PACRG: variants seen among roughly 807,000 people sequenced by gnomAD.
The protein encoded by PACRG is parkin coregulated.
In PACRG, 29 loss-of-function variants were observed where a neutral mutation model predicts 29.7. That is an observed-to-expected ratio of 0.98 (90% CI 0.73 to 1.33). The LOEUF (loss-of-function observed/expected upper bound fraction) is 1.33. PACRG is among the 40% of genes most tolerant of loss of function. The pLI is 0.00. For synonymous variants in PACRG, 116 were observed against 118.7 expected (o/e 0.98, Z 0.15); for missense variants, 279 against 316.2 (o/e 0.88, Z 0.89).
At chr6:163,155,419 T>A (rs527455286) in intron 4 of PACRG, among the ~76,000 whole-genome samples, 1 of 152,190 alleles carries the variant, frequency 6.6e-6, no homozygotes, top group African/African-American at 2.4e-5. Context: ...TATGGGACGC[T>A]GGGGAGAGAA....
intron 1 of PACRG, among the ~76,000 whole-genome samples, chr6:162,813,229 T>C (rs1319783511): frequency 6.6e-6 from 1 of 151,996 alleles, no homozygotes; most frequent in East Asian, 1.9e-4. Flanking sequence ...TTATATTATT[T>C]TGTCTATAGT....
At chr6:163,132,801 G>C (rs1279351523) in intron 4 of PACRG, among the ~76,000 whole-genome samples, 1 of 151,968 alleles carries the variant, frequency 6.6e-6, no homozygotes, top group Non-Finnish European at 1.5e-5. Context: ...CTGCAAGTGG[G>C]GACAAAAGCT....
At chr6:163,253,541 CCTT>C (rs1334238007) in intron 4 of PACRG, among the ~76,000 whole-genome samples, 1 of 151,994 alleles carries the variant, frequency 6.6e-6, no homozygotes, top group Non-Finnish European at 1.5e-5. Flanking sequence ...TCTATCTAAA[CCTT>C]CTTATTTTAC....
Position 163,207,106 on chromosome 6 carries a change from T to G in PACRG, c.614-107721T>G, listed in dbSNP as rs551613921. On this transcript the variant is annotated intron_variant, in intron 4 of 4. Transcript: ENST00000366888. ...GACATTCTGTTTTTTAAATACGCTT[T>G]GTAGAAAGTGAGAGATTTCTTTAAA... Among the ~76,000 whole-genome samples the G allele has an allele frequency of 1.4e-3, 207 of 152,328 alleles. 2 individuals are homozygous for G. Among genetic ancestry groups the G allele is most frequent in the Middle Eastern group, 3.4e-3 (1 of 294 alleles).
At chr6:162,765,164 T>C (rs1266365301) in intron 1 of PACRG, among the ~76,000 whole-genome samples, 2 of 152,112 alleles carry the variant, frequency 1.3e-5, no homozygotes, top group Non-Finnish European at 2.9e-5. Context: ...TGTATCTACT[T>C]ACCTACCTAC....
intron 4 of PACRG, among the ~76,000 whole-genome samples, chr6:163,198,540 T>C (rs1313134154): frequency 3.9e-5 from 6 of 152,276 alleles, no homozygotes; most frequent in Non-Finnish European, 7.4e-5. Context: ...TTGCCCAGGG[T>C]CACACAGTGA....
At position 162,853,801 on chromosome 6, in the gene PACRG, G is replaced by A. The variant is rs1045670351; in HGVS notation, c.291+39520G>A. 6.6e-6 allele frequency among the ~76,000 whole-genome samples: 1 copy of A among 152,134 alleles called. No individual in the cohort carries two copies. Among genetic ancestry groups the A allele is most frequent in the African/African-American group, 2.4e-5 (1 of 41,434 alleles). Reference sequence around the variant, plus strand: ...TATACTACCAGATATGAAACCTTGGGCAAAGTACTTAACCTCTTTCTAAGT... The same window carrying A: ...TATACTACCAGATATGAAACCTTGGACAAAGTACTTAACCTCTTTCTAAGT... On this transcript the variant is annotated intron_variant, in intron 2 of 4. Coordinates refer to ENST00000366888, the MANE Select transcript of PACRG (RefSeq NM_001080379.2). This position sits in a 1 kb window ranked among gnomAD's most constrained non-coding sequence, Gnocchi z 4.7.
At chr6:162,882,908 A>C (rs1367852914) in intron 2 of PACRG, among the ~76,000 whole-genome samples, 1 of 152,194 alleles carries the variant, frequency 6.6e-6, no homozygotes, top group Non-Finnish European at 1.5e-5. Flanking sequence ...GATCATTTTG[A>C]AGATGGGGCA....
In PACRG at chr6:162,989,624, A is replaced by C. The variant is rs375284413; in HGVS notation, c.292-72526A>C. On this transcript the variant is annotated intron_variant, in intron 2 of 4. Transcript: ENST00000366888. ...AAATGTCTGTTCATATTCAGTACAG[A>C]CACAACAAATCCATTTTTATGAATA... Among the ~76,000 whole-genome samples, 4 of 152,130 alleles carry C rather than the reference A, an allele frequency of 2.6e-5. No individual in the cohort carries two copies. The East Asian group carries it at 7.7e-4, about 29-fold the overall frequency.
Position 163,252,349 on chromosome 6 carries a change from C to T in PACRG, c.614-62478C>T, listed in dbSNP as rs529009470. Among the ~76,000 whole-genome samples the T allele has an allele frequency of 5.3e-5, 8 of 152,360 alleles. No individual in the cohort carries two copies. The South Asian group carries it at 8.3e-4, about 16-fold the overall frequency. On this transcript the variant is annotated intron_variant, in intron 4 of 4. Transcript: ENST00000366888. The stretch of plus-strand genomic sequence containing the variant: ...ACAAGGCAGACGCAGGCCCTGCCTT[C>T]GTGGAGTTTAGATGAGCAGCAGGGG...
At chr6:162,811,810 T>C (rs1234468581) in intron 1 of PACRG, among the ~76,000 whole-genome samples, 2 of 152,164 alleles carry the variant, frequency 1.3e-5, no homozygotes, top group African/African-American at 4.8e-5. Context: ...CAACCCCTTA[T>C]CTGAAATGCT....
At chr6:162,793,258 T>A (rs1318812638) in intron 1 of PACRG, among the ~76,000 whole-genome samples, 1 of 152,196 alleles carries the variant, frequency 6.6e-6, no homozygotes, top group Non-Finnish European at 1.5e-5. Context: ...CTCATAAACA[T>A]AAGTATAGTT....
intron 4 of PACRG, among the ~76,000 whole-genome samples, chr6:163,142,702 TC>T (rs1777597792): frequency 1.3e-5 from 2 of 152,284 alleles, no homozygotes; most frequent in Admixed American, 1.3e-4. Flanking sequence ...TCCTAATAGA[TC>T]AGGATGAAGT....
intron 4 of PACRG, among the ~76,000 whole-genome samples, chr6:163,308,646 A>G (rs1268943053): frequency 1.3e-5 from 2 of 148,568 alleles, no homozygotes; most frequent in East Asian, 3.9e-4. Flanking sequence ...AGCTTGGACC[A>G]CAGAGTGAGG....
intron 2 of PACRG, among the ~76,000 whole-genome samples, chr6:162,873,375 G>A (rs1253524676): frequency 1.3e-5 from 2 of 152,162 alleles, no homozygotes; most frequent in East Asian, 3.9e-4. Flanking sequence ...AGTGGTAGGA[G>A]TTATTTCTTT....
intron 2 of PACRG, among the ~76,000 whole-genome samples, chr6:162,846,918 C>T (rs1790436946): frequency 6.9e-6 from 1 of 145,150 alleles, no homozygotes; most frequent in African/African-American, 2.5e-5. Flanking sequence ...GTCCACTGTG[C>T]TCCCCACATT....
At chr6:162,835,432 G>A (rs1463158836) in intron 2 of PACRG, among the ~76,000 whole-genome samples, 1 of 152,020 alleles carries the variant, frequency 6.6e-6, no homozygotes, top group Non-Finnish European at 1.5e-5. Flanking sequence ...ACTGTCTTGA[G>A]TCATTGGAAC....
intron 4 of PACRG, among the ~76,000 whole-genome samples, chr6:163,103,797 A>C (rs1562917727): frequency 1.3e-5 from 2 of 152,236 alleles, no homozygotes; most frequent in African/African-American, 4.8e-5. Flanking sequence ...TAGTGAAGGT[A>C]GCGCAGCTCG....
At chr6:163,192,604 G>T (rs1272856040) in intron 4 of PACRG, among the ~76,000 whole-genome samples, 2 of 152,160 alleles carry the variant, frequency 1.3e-5, no homozygotes, top group Non-Finnish European at 2.9e-5. Flanking sequence ...ACTTTGGTAA[G>T]TGTGTCTCAA....
Sources: allele counts gnomAD v4.1 joint callset (sites outside exome capture counted in the v4.1 genomes callset), GRCh38; gene constraint gnomAD v4.1.1; non-coding constraint Gnocchi (gnomAD v3.1); transcripts MANE v1.5; gene names NCBI Gene and HGNC (gene_info 2026-07-23, HGNC 2026-07-21).